Variants in NDUFS3 observed in about 807,000 individuals in gnomAD.
NDUFS3 encodes the protein NADH:ubiquinone oxidoreductase core subunit S3.
A neutral mutation model predicts 30.8 loss-of-function variants in NDUFS3; 19 were observed. The ratio of observed to expected loss-of-function variants is 0.62; its 90% confidence interval spans 0.43 to 0.91. NDUFS3 has a LOEUF of 0.91. NDUFS3 is among the 40% of genes least tolerant of loss of function. NDUFS3 has a pLI of 0.00. For missense variants in NDUFS3, 331 were observed against 342.0 expected (o/e 0.97, Z 0.25); for synonymous variants, 153 against 135.8 (o/e 1.13, Z -0.88).
At chr11:47,581,459 T>A (rs1477540763) in intron 4 of NDUFS3, 1 of 227,624 alleles carries the variant, frequency 4.4e-6, no homozygotes, top group Non-Finnish European at 8.9e-6. Context: ...CCGGCCCTTG[T>A]TTAATCTTTC....
At chr11:47,579,697 C>T (rs1468009882) in intron 2 of NDUFS3, 22 of 425,744 alleles carry the variant, frequency 5.2e-5, no homozygotes, top group Non-Finnish European at 9.6e-5. Context: ...CTTATTTCGT[C>T]CTCACAACAG....
chr11:47,582,023 C>T, intron 4 of NDUFS3, 65 bp from the exon 5 acceptor site: 2 of 1,595,330 alleles, frequency 1.3e-6, no homozygotes, highest in Non-Finnish European at 1.7e-6. Flanking sequence ...GGCAGGGTCA[C>T]AGGGCAGAAC....
chr11:47,580,872 C>T lies in NDUFS3; in HGVS notation c.269C>T (p.Pro90Leu), dbSNP rs1555198835. 3.1e-6 allele frequency: 5 copies of T among 1,614,202 alleles called. No individual in the cohort carries two copies. The highest frequency in any genetic ancestry group is 4.2e-6 in the Non-Finnish European group (5 of 1,180,046). Reference protein sequence around the residue: ...CFNELEVCIHPDGVIPVLTFL... With the variant: ...CFNELEVCIHLDGVIPVLTFL... ...AATGAGTTAGAGGTCTGTATCCATC[C>T]TGATGGCGTCATCCCAGTGCTGACT... The change falls in exon 4 of 7, where the codon CCT becomes CTT. Residue 90 changes from proline (P) to leucine (L), a missense_variant. Pro to Leu is a moderately conservative substitution (Grantham distance 98). Transcript: ENST00000263774.
At chr11:47,579,245 T>C (rs766739334) in intron 1 of NDUFS3, 24 bp from the exon 2 acceptor site, 85 of 1,614,060 alleles carry the variant, frequency 5.3e-5, no homozygotes, top group Admixed American at 1.2e-4. Context: ...CCCGCGCGTC[T>C]GTGCCTTTTA....
At chr11:47,580,788 C>T (rs1219355583) in intron 3 of NDUFS3, 47 bp from the exon 4 acceptor site, 1 of 1,612,750 alleles carries the variant, frequency 6.2e-7, no homozygotes, top group Non-Finnish European at 8.5e-7. Flanking sequence ...GTTAGCTGTT[C>T]CCTCAGTAGC....
At chr11:47,580,444 C>A in intron 2 of NDUFS3, 81 bp from the exon 3 acceptor site, 1 of 1,307,684 alleles carries the variant, frequency 7.6e-7, no homozygotes, top group Non-Finnish European at 1.1e-6. Context: ...GATTTGACAT[C>A]CCTTACAAGC....
chr11:47,579,373 G>T, intron 2 of NDUFS3, 39 bp downstream of exon 2: 1 of 1,611,054 alleles, frequency 6.2e-7, no homozygotes. Flanking sequence ...TGAACTATCG[G>T]CGGGGCCCCT....
At position 47,579,827 on chromosome 11, in the gene NDUFS3, G is replaced by A. The variant is rs772607924; in HGVS notation, c.133+493G>A. On this transcript the variant is annotated intron_variant, in intron 2 of 6. Transcript: ENST00000263774. ...CAAAGTAGGCCTGCCTGCTGCCAGA[G>A]GCAGAAACACCTAACCATTATTCTG... The A allele has an allele frequency of 3.9e-5, 9 of 229,082 alleles. No individual in the cohort carries two copies. The Admixed American group carries it at 4.6e-4, about 12-fold the overall frequency. The allele number at this position is 229,082 out of a possible 1,614,324, so 14.2% of individuals were successfully genotyped here. A position where few individuals can be genotyped will look rare whatever the true frequency, so the allele number is the denominator to read the frequency against.
In NDUFS3 at chr11:47,584,557, G is replaced by T; in HGVS notation, c.*76G>T. The T allele has an allele frequency of 6.4e-7, 1 of 1,563,618 alleles. No individual in the cohort carries two copies. The highest frequency in any genetic ancestry group is 1.1e-5 in the South Asian group (1 of 89,758). The stretch of plus-strand genomic sequence containing the variant: ...GTCCGTGTAAATAAATTCCTACTTA[G>T]ACTTACCACTTTGTGTGTGCTTGTA... On this transcript the variant is annotated 3_prime_UTR_variant, in exon 7 of 7. Coordinates refer to ENST00000263774, the MANE Select transcript of NDUFS3 (RefSeq NM_004551.3).
intron 4 of NDUFS3, 176 bp downstream of exon 4, chr11:47,581,160 T>TG: frequency 6.8e-6 from 2 of 292,514 alleles, no homozygotes; most frequent in Admixed American, 5.2e-5. Flanking sequence ...TTTTGTTTAA[T>TG]TTTTTTTTTT....
At chr11:47,581,934 A>G (rs2097268991) in intron 4 of NDUFS3, 154 bp from the exon 5 acceptor site, 1 of 992,742 alleles carries the variant, frequency 1.0e-6, no homozygotes, top group African/African-American at 1.6e-5. Flanking sequence ...CTGACATGCT[A>G]AGCTACAGCT....
Position 47,582,443 on chromosome 11 carries a change from A to G in NDUFS3, c.602A>G (p.Asp201Gly). ...YGFEGHPFRK[D>G]FPLSGYVELR... ...TTCGAGGGACATCCTTTCCGGAAAGACTTTCCTCTATCTGGCTATGTTGAG... is the reference window on the plus strand; with the variant it reads ...TTCGAGGGACATCCTTTCCGGAAAGGCTTTCCTCTATCTGGCTATGTTGAG... The change falls in exon 6 of 7, where the codon GAC becomes GGC. Residue 201 changes from aspartate (D) to glycine (G), a missense_variant. Transcript: ENST00000263774. 4.3e-6 allele frequency: 7 copies of G among 1,614,054 alleles called. No homozygotes were observed. Among genetic ancestry groups the G allele is most frequent in the Non-Finnish European group, 5.9e-6 (7 of 1,179,946 alleles).
At chr11:47,579,807 T>C (rs1410496072) in intron 2 of NDUFS3, 3 of 233,800 alleles carry the variant, frequency 1.3e-5, no homozygotes, top group Non-Finnish European at 2.6e-5. Flanking sequence ...AATGACAAAG[T>C]AGGCCTGCCT....
chr11:47,584,526 T>C lies in NDUFS3; in HGVS notation c.*45T>C. 1.9e-6 allele frequency: 3 copies of C among 1,605,394 alleles called. No individual in the cohort carries two copies. Among genetic ancestry groups the C allele is most frequent in the Non-Finnish European group, 8.5e-7 (1 of 1,173,072 alleles). ...ATCCTAGACAGCGCCTTATCTATGA[T>C]TGAGTGTCCGTGTAAATAAATTCCT... On this transcript the variant is annotated 3_prime_UTR_variant, in exon 7 of 7. Transcript: ENST00000263774.
At position 47,582,384 on chromosome 11, in the gene NDUFS3, C is replaced by T; in HGVS notation, c.543C>T (p.His181=). 1.9e-6 allele frequency: 3 copies of T among 1,614,172 alleles called. No homozygotes were observed. The highest frequency in any genetic ancestry group is 2.5e-6 in the Non-Finnish European group (3 of 1,180,032). The change falls in exon 6 of 7, where the codon CAC becomes CAT. Residue 181 remains histidine (H), a synonymous_variant. Transcript: ENST00000263774. ...TGTTTGGAGTCTTCTTTGCTAACCA[C>T]CCTGATCTAAGAAGGATCCTGACAG... is the stretch of plus-strand genomic sequence containing the variant. ...WDMFGVFFAN[H]PDLRRILTDY... is the part of the protein sequence containing the mutation.
intron 2 of NDUFS3, 187 bp downstream of exon 2, chr11:47,579,521 G>A: frequency 1.5e-6 from 1 of 676,796 alleles, no homozygotes; most frequent in Non-Finnish European, 2.5e-6. Context: ...GGCCCTGATT[G>A]TTCCTTGTCC....
chr11:47,580,735 T>C (rs1172699171), intron 3 of NDUFS3, 100 bp from the exon 4 acceptor site: 2 of 1,595,584 alleles, frequency 1.3e-6, no homozygotes. Flanking sequence ...CATCCCAAGC[T>C]TGGACTTTTC....
chr11:47,582,089 T>C lies in NDUFS3; in HGVS notation c.383T>C (p.Ile128Thr), dbSNP rs751046043. 6.2e-7 allele frequency: 1 copy of C among 1,613,698 alleles called. No homozygotes were observed. The highest frequency in any genetic ancestry group is 8.5e-7 in the Non-Finnish European group (1 of 1,179,990). The change falls in exon 5 of 7, where the codon ATT becomes ACT. Residue 128 changes from isoleucine to threonine, a missense_variant and splice_region_variant. By Grantham distance (89) the Ile-to-Thr change is moderately conservative. Coordinates refer to ENST00000263774, the MANE Select transcript of NDUFS3 (RefSeq NM_004551.3). Reference protein sequence around the residue: ...DVPTRQNRFEIVYNLLSLRFN... With the variant: ...DVPTRQNRFETVYNLLSLRFN... Reference sequence around the variant, plus strand: ...TCCAGATCCTTCTGTTCTCCCTAGATTGTCTACAACCTGTTGTCTCTGCGC... The same window carrying C: ...TCCAGATCCTTCTGTTCTCCCTAGACTGTCTACAACCTGTTGTCTCTGCGC...
intron 6 of NDUFS3, 29 bp from the exon 7 acceptor site, chr11:47,584,285 G>A: frequency 1.2e-6 from 2 of 1,613,800 alleles, no homozygotes; most frequent in Non-Finnish European, 1.7e-6. Flanking sequence ...GACTTCCTTA[G>A]TGCTCAAGCC....
Sources: gnomAD v4.1 joint callset for allele counts on GRCh38, gnomAD v4.1.1 for gene constraint, MANE v1.5 for transcripts, NCBI Gene and HGNC (gene_info 2026-07-23, HGNC 2026-07-21) for gene names.